The following COL12A1 variants were observed in gnomAD, a reference collection of about 807,000 sequenced individuals.
COL12A1 encodes collagen type XII alpha 1 chain.
A neutral mutation model predicts 349.7 loss-of-function variants in COL12A1; 114 were observed. The ratio of observed to expected loss-of-function variants is 0.33; its 90% CI spans 0.28 to 0.38. The LOEUF (loss-of-function observed/expected upper bound fraction) is 0.38. Ranked by LOEUF, COL12A1 falls within the 10% of genes least tolerant of loss-of-function variation. The pLI is 1.00. For synonymous variants in COL12A1, 1,369 were observed against 1,329.0 expected (o/e 1.03, Z -0.66); for missense variants, 3,284 against 3,756.9 (o/e 0.87, Z 3.29).
chr6:75,128,944 G>A (rs1427219327), intron 37 of COL12A1, among the ~76,000 whole-genome samples: 2 of 152,180 alleles, frequency 1.3e-5, no homozygotes, highest in African/African-American at 4.8e-5. Flanking sequence ...AAACAGATGG[G>A]AATACATTCA....
intron 8 of COL12A1, among the ~76,000 whole-genome samples, chr6:75,187,057 A>G: frequency 6.6e-6 from 1 of 152,046 alleles, no homozygotes; most frequent in Admixed American, 6.6e-5. Flanking sequence ...TGATCTGTAC[A>G]ACAAGCCCCC....
intron 34 of COL12A1, among the ~76,000 whole-genome samples, 166 bp downstream of exon 34, chr6:75,133,127 A>T (rs1227945275): frequency 6.6e-6 from 1 of 152,252 alleles, no homozygotes; most frequent in Non-Finnish European, 1.5e-5. Flanking sequence ...GTTATTTCAC[A>T]CAAAATGTTA....
At chr6:75,170,315 T>C (rs931230019) in intron 13 of COL12A1, among the ~76,000 whole-genome samples, 3 of 152,232 alleles carry the variant, frequency 2.0e-5, no homozygotes, top group Admixed American at 1.3e-4. Flanking sequence ...ACGTAAACTC[T>C]CTTCTAAATC....
intron 60 of COL12A1, among the ~76,000 whole-genome samples, chr6:75,092,033 TA>T (rs1767791875): frequency 1.3e-5 from 2 of 152,184 alleles, no homozygotes; most frequent in Non-Finnish European, 2.9e-5. Context: ...TGATTCTTTG[TA>T]CATTTGAGAT....
chr6:75,126,370 T>A lies in COL12A1; in HGVS notation c.6441A>T (p.Lys2147Asn), dbSNP rs753903129. The A allele has an allele frequency of 6.2e-7, 1 of 1,610,618 alleles. No individual in the cohort carries two copies. The highest frequency in any genetic ancestry group is 8.5e-7 in the Non-Finnish European group (1 of 1,177,324). ...DPSPSPVLGY[K>N]IVYKPVGSNE... ...CCTTACCCACTGGCTTATATACTAT[T>A]TTATATCCAAGAACTGGAGAAGGTG... Residue 2147 changes from lysine (K) to asparagine (N), a missense_variant, in exon 39 of 66, where the codon AAA becomes AAT. Transcript: ENST00000322507.
At chr6:75,092,575 T>C (rs569159570) in intron 60 of COL12A1, among the ~76,000 whole-genome samples, 1 of 131,988 alleles carries the variant, frequency 7.6e-6, no homozygotes, top group East Asian at 2.7e-4. Flanking sequence ...ATCTAAATCA[T>C]TGACAAATCA....
At chr6:75,184,902 A>G (rs911153494) in intron 8 of COL12A1, among the ~76,000 whole-genome samples, 14 of 152,218 alleles carry the variant, frequency 9.2e-5, no homozygotes, top group African/African-American at 3.1e-4. Flanking sequence ...CCCGGAAGAT[A>G]TAGTTATAAT....
chr6:75,133,979 C>T lies in COL12A1; in HGVS notation c.5543G>A (p.Arg1848Lys), dbSNP rs1391513203. ...AGAAGGGTCATACACTCTCAGGTTC[C>T]TTACAGTGTTTAGAGGTTCTGAAAT... ...RGKTKPLNTV[R>K]NLRVYDPSTS... The change falls in exon 33 of 66, where the codon AGG (arginine) becomes AAG (lysine). Residue 1848 changes from arginine to lysine, a missense_variant. Around this residue, in one of 2 missense-constraint regions of COL12A1, gnomAD observed 2,601 missense variants for 2,824.8 expected, o/e 0.92. Transcript: ENST00000322507. 1.1e-5 allele frequency: 18 copies of T among 1,613,652 alleles called. No individual in the cohort carries two copies. Among genetic ancestry groups the T allele is most frequent in the African/African-American group, 5.3e-5 (4 of 74,894 alleles).
At chr6:75,102,800 C>G in intron 55 of COL12A1, 108 bp from the exon 56 acceptor site, 1 of 535,898 alleles carries the variant, frequency 1.9e-6, no homozygotes, top group Non-Finnish European at 3.0e-6. Context: ...ATCATATAAT[C>G]TTTGTAAACT....
In COL12A1 at chr6:75,113,110, T is replaced by C. The variant is rs9447446; in HGVS notation, c.7950+94A>G. Reference sequence around the variant, plus strand: ...ATTTTATTTTTAAAAGACATAGTTATAATTCTGCCAATTTAACATGACATT... The same window carrying C: ...ATTTTATTTTTAAAAGACATAGTTACAATTCTGCCAATTTAACATGACATT... On this transcript the variant is annotated intron_variant, in intron 51 of 65. Transcript: ENST00000322507. 0.013 allele frequency: 7,631 copies of C among 609,894 alleles called. 507 individuals are homozygous for C. The African/African-American group carries it at 0.13, about 11-fold the overall frequency. 37.8% of individuals were successfully genotyped at this position (609,894 alleles called of 1,614,324 possible). A position where few individuals can be genotyped will look rare whatever the true frequency, so the allele number is the denominator to read the frequency against.
At chr6:75,163,018 G>A (rs1431089229) in intron 14 of COL12A1, among the ~76,000 whole-genome samples, 2 of 152,202 alleles carry the variant, frequency 1.3e-5, no homozygotes, top group African/African-American at 4.8e-5. Flanking sequence ...AACAACAGAT[G>A]CTGGAGAGGA....
intron 31 of COL12A1, among the ~76,000 whole-genome samples, chr6:75,136,052 GA>G (rs1260701847): frequency 6.6e-6 from 1 of 152,104 alleles, no homozygotes; most frequent in African/African-American, 2.4e-5. Flanking sequence ...CTTTCCAGAA[GA>G]TAAGTTTACG....
intron 27 of COL12A1, among the ~76,000 whole-genome samples, chr6:75,139,498 AT>A (rs1228711319): frequency 6.6e-6 from 1 of 152,160 alleles, no homozygotes; most frequent in Non-Finnish European, 1.5e-5. Context: ...TTTCATTTTT[AT>A]TTTTTAAAAA....
intron 10 of COL12A1, among the ~76,000 whole-genome samples, chr6:75,181,857 A>G (rs1328098672): frequency 6.6e-6 from 1 of 151,882 alleles, no homozygotes; most frequent in Non-Finnish European, 1.5e-5. Flanking sequence ...TGGGAGACTG[A>G]GGCAGGTGGA....
chr6:75,141,905 T>C, intron 27 of COL12A1, 127 bp downstream of exon 27: 1 of 1,177,742 alleles, frequency 8.5e-7, no homozygotes, highest in Non-Finnish European at 1.2e-6. Flanking sequence ...AAAAACAATC[T>C]ATGAATCCAA....
chr6:75,158,415 C>T (rs1767865305), intron 14 of COL12A1, among the ~76,000 whole-genome samples: 1 of 152,144 alleles, frequency 6.6e-6, no homozygotes, highest in Admixed American at 6.6e-5. Flanking sequence ...AAATCAAACC[C>T]TGCCAGACCT....
At chr6:75,177,579 G>A in intron 12 of COL12A1, 84 bp downstream of exon 12, 1 of 1,529,216 alleles carries the variant, frequency 6.5e-7, no homozygotes, top group Non-Finnish European at 9.0e-7. Flanking sequence ...TGTCTCATTA[G>A]TTTTTTATCT....
rs776433552 is a variant in COL12A1, at chr6:75,184,012, T to G, written c.1130A>C (p.Gln377Pro). 1.9e-6 allele frequency: 3 copies of G among 1,614,192 alleles called. No homozygotes were observed. The highest frequency in any genetic ancestry group is 4.5e-5 in the East Asian group (2 of 44,888). ...ILTPMTAGSR[Q>P]HALSVGPQTT... ...CTGAGGCCCCACACTCAGAGCGTGC[T>G]GTCGGCTTCCTGCAGTCATTGGTGT... The change falls in exon 9 of 66, where the codon CAG becomes CCG. Residue 377 changes from glutamine (Q) to proline (P), a missense_variant. By Grantham distance (76) the Gln-to-Pro change is moderately conservative (BLOSUM62 -1). Around this residue, in one of 2 missense-constraint regions of COL12A1, gnomAD observed 2,601 missense variants for 2,824.8 expected, o/e 0.92. Coordinates refer to ENST00000322507, the MANE Select transcript of COL12A1 (RefSeq NM_004370.6).
chr6:75,180,484 A>C (rs75189075), intron 11 of COL12A1, among the ~76,000 whole-genome samples: 2,102 of 152,240 alleles, frequency 0.014, 20 homozygotes, highest in Middle Eastern at 0.031. Context: ...CACTCAAAAA[A>C]TGGTTACAAT....
Sources: allele counts gnomAD v4.1 joint callset (sites outside exome capture counted in the v4.1 genomes callset), GRCh38; gene constraint gnomAD v4.1.1; regional missense constraint gnomAD v4.1.1; transcripts MANE v1.5; gene names NCBI Gene and HGNC (gene_info 2026-07-23, HGNC 2026-07-21).